The following ZNF431 variants were observed in gnomAD, a reference collection of about 807,000 sequenced individuals.
The protein encoded by ZNF431 is zinc finger protein 431.
A neutral mutation model predicts 57.0 loss-of-function variants in ZNF431; 34 were observed. That is an observed-to-expected ratio of 0.60 (90% CI 0.45 to 0.79). ZNF431 has a LOEUF of 0.79. Ranked by LOEUF, ZNF431 falls within the 30% of genes least tolerant of loss-of-function variation. The probability of loss-of-function intolerance (pLI) is 0.00; values close to 1 mark genes in which losing one functional copy is unlikely to be tolerated. For synonymous variants in ZNF431, 207 were observed against 220.3 expected, an observed-to-expected ratio of 0.94 and a Z score of 0.54; for missense variants, 607 against 667.1, an observed-to-expected ratio of 0.91 and a Z score of 0.99.
intron 4 of ZNF431, among the ~76,000 whole-genome samples, chr19:21,170,938 G>T (rs1366670820): frequency 1.3e-5 from 2 of 152,178 alleles, no homozygotes; most frequent in African/African-American, 4.8e-5. Flanking sequence ...CTCCCAGATT[G>T]CTGGGATTAC....
intron 2 of ZNF431, among the ~76,000 whole-genome samples, chr19:21,154,005 C>T (rs896797325): frequency 9.9e-5 from 15 of 152,226 alleles, no homozygotes; most frequent in African/African-American, 2.4e-4. Flanking sequence ...CATGAGCCGC[C>T]GCACCCATTG....
chr19:21,171,697 A>AATATAT (rs774316351), intron 4 of ZNF431, among the ~76,000 whole-genome samples: 85 of 55,966 alleles, frequency 1.5e-3, no homozygotes, highest in Middle Eastern at 0.014. Flanking sequence ...TCTAATGATG[A>AATATAT]ATATATATAT....
chr19:21,176,232 T>C (rs1286233826), intron 4 of ZNF431, among the ~76,000 whole-genome samples: 1 of 148,850 alleles, frequency 6.7e-6, no homozygotes, highest in African/African-American at 2.5e-5. Context: ...TCTTGTTCTT[T>C]GCTCACTTTT....
At chr19:21,145,887 C>A (rs1970075675) in intron 2 of ZNF431, among the ~76,000 whole-genome samples, 1 of 152,044 alleles carries the variant, frequency 6.6e-6, no homozygotes. Context: ...CGTGAAAAAT[C>A]AGATTTTAGA....
Position 21,190,113 on chromosome 19 carries a change from G to T in ZNF431, c.*6079G>T. On this transcript the variant is annotated 3_prime_UTR_variant, in exon 5 of 5. Coordinates refer to ENST00000311048, the MANE Select transcript of ZNF431 (RefSeq NM_133473.4). ...GAACCACAGATGCAGAGGTTGCAGT[G>T]AACTGAGATCATGCCACTGCACTCC... The T allele has an allele frequency of 2.7e-6, 1 of 374,598 alleles. No homozygotes were observed. Among genetic ancestry groups the T allele is most frequent in the Non-Finnish European group, 4.7e-6 (1 of 211,612 alleles). The allele number at this position is 374,598 out of a possible 1,614,324, so 23.2% of individuals were successfully genotyped here.
intron 2 of ZNF431, among the ~76,000 whole-genome samples, chr19:21,153,819 C>A (rs188587139): frequency 1.3e-5 from 2 of 152,234 alleles, no homozygotes; most frequent in African/African-American, 4.8e-5. Flanking sequence ...CGAGTTCAAG[C>A]GATTCTCCTG....
chr19:21,172,582 T>C (rs902016314), intron 4 of ZNF431, among the ~76,000 whole-genome samples: 2 of 152,164 alleles, frequency 1.3e-5, no homozygotes, highest in African/African-American at 4.8e-5. Flanking sequence ...AGCAGTATCA[T>C]TTGAGCCCCA....
At chr19:21,172,207 T>A (rs1599606659) in intron 4 of ZNF431, among the ~76,000 whole-genome samples, 1 of 151,268 alleles carries the variant, frequency 6.6e-6, no homozygotes, top group African/African-American at 2.4e-5. Flanking sequence ...GGCAGGCAGA[T>A]CACTTAGGGT....
chr19:21,166,639 A>G (rs567594970), intron 3 of ZNF431, among the ~76,000 whole-genome samples, 178 bp downstream of exon 3: 23 of 152,198 alleles, frequency 1.5e-4, no homozygotes, highest in Admixed American at 1.2e-3. Flanking sequence ...TTTCATCTTG[A>G]TCTGAACTTT....
At chr19:21,176,193 A>G (rs1289788362) in intron 4 of ZNF431, among the ~76,000 whole-genome samples, 1 of 150,306 alleles carries the variant, frequency 6.7e-6, no homozygotes, top group African/African-American at 2.4e-5. Context: ...TGAGCTCCAC[A>G]TAAATGTCTT....
intron 2 of ZNF431, among the ~76,000 whole-genome samples, chr19:21,148,075 A>T (rs1026716253): frequency 4.0e-5 from 6 of 151,454 alleles, no homozygotes; most frequent in Non-Finnish European, 5.9e-5. Context: ...AGCTCACTGG[A>T]ACCTCTGCCT....
At chr19:21,148,807 A>C (rs1599575701) in intron 2 of ZNF431, among the ~76,000 whole-genome samples, 1 of 152,218 alleles carries the variant, frequency 6.6e-6, no homozygotes, top group Non-Finnish European at 1.5e-5. Flanking sequence ...AGTCTAGGAC[A>C]CAGACACAAG....
At position 21,142,126 on chromosome 19, in the gene ZNF431, A is replaced by T. The variant is rs1233108061; in HGVS notation, c.-58A>T. On this transcript the variant is annotated 5_prime_UTR_variant, in exon 1 of 5. Coordinates refer to ENST00000311048, the MANE Select transcript of ZNF431 (RefSeq NM_133473.4). ...GAGGCCCAACATCTGTGGCCCTGTG[A>T]CCTGCAGGTATTGGGAGACCCACAG... The T allele has an allele frequency of 1.2e-6, 2 of 1,608,742 alleles. No homozygotes were observed. The highest frequency in any genetic ancestry group is 1.7e-5 in the Admixed American group (1 of 59,926).
intron 2 of ZNF431, among the ~76,000 whole-genome samples, chr19:21,146,268 G>T (rs1970091537): frequency 6.6e-6 from 1 of 151,994 alleles, no homozygotes; most frequent in South Asian, 2.1e-4. Flanking sequence ...AAATTAGCCA[G>T]GCTTGGTGGT....
Position 21,184,054 on chromosome 19 carries a change from A to G in ZNF431, c.*20A>G, listed in dbSNP as rs1169337964. The G allele has an allele frequency of 1.3e-6, 2 of 1,535,624 alleles. No homozygotes were observed. The highest frequency in any genetic ancestry group is 1.3e-5 in the South Asian group (1 of 74,962). On this transcript the variant is annotated 3_prime_UTR_variant, in exon 5 of 5. Transcript: ENST00000311048. ...CTTTAAGCAGTCCTCAACTCTTACTAAGCATTAAATATTGGCCGGGTGCGG... is the reference window on the plus strand; with the variant it reads ...CTTTAAGCAGTCCTCAACTCTTACTGAGCATTAAATATTGGCCGGGTGCGG...
At chr19:21,153,585 A>G (rs1040392236) in intron 2 of ZNF431, among the ~76,000 whole-genome samples, 6 of 152,258 alleles carry the variant, frequency 3.9e-5, no homozygotes, top group Admixed American at 6.5e-5. Flanking sequence ...TTTGTCATAT[A>G]CATTTCTTCC....
intron 4 of ZNF431, among the ~76,000 whole-genome samples, chr19:21,173,796 G>A (rs576333172): frequency 6.6e-6 from 1 of 152,024 alleles, no homozygotes; most frequent in East Asian, 1.9e-4. Flanking sequence ...CAAGGTGCTG[G>A]GATTACATGC....
chr19:21,174,049 G>A (rs1243096662), intron 4 of ZNF431, among the ~76,000 whole-genome samples: 1 of 150,580 alleles, frequency 6.6e-6, no homozygotes. Flanking sequence ...GGGTTCAAGC[G>A]ATTCTGCTGC....
chr19:21,164,458 C>A (rs148496630), intron 2 of ZNF431, among the ~76,000 whole-genome samples: 1 of 152,050 alleles, frequency 6.6e-6, no homozygotes, highest in African/African-American at 2.4e-5. Context: ...TTTCCTGAAT[C>A]TCTTCTGTTA....
Sources: gnomAD v4.1 joint callset for allele counts (sites outside exome capture counted in the v4.1 genomes callset) on GRCh38, gnomAD v4.1.1 for gene constraint, MANE v1.5 for transcripts, NCBI Gene and HGNC (gene_info 2026-07-23, HGNC 2026-07-21) for gene names.